Variants in GOLGA2 observed in about 807,000 individuals in gnomAD.
GOLGA2 encodes the protein golgin A2.
GOLGA2 carries 49 observed loss-of-function variants against 148.8 expected under a neutral mutation model. The ratio of observed to expected loss-of-function variants is 0.33; its 90% confidence interval spans 0.26 to 0.42. The LOEUF is 0.42. Among genes scored for constraint, GOLGA2 ranks in the 10% least tolerant of loss-of-function variants. The pLI, the probability that GOLGA2 is intolerant of heterozygous loss-of-function variation, is 1.00. For missense variants in GOLGA2, 1,178 were observed against 1,304.6 expected, an observed-to-expected ratio of 0.90 and a Z score of 1.49; for synonymous variants, 501 against 511.8, an observed-to-expected ratio of 0.98 and a Z score of 0.28.
At position 128,266,450 on chromosome 9, in the gene GOLGA2, A is replaced by C; in HGVS notation, c.643-125T>G. On this transcript the variant is annotated intron_variant, in intron 8 of 26. Coordinates refer to ENST00000611957, the MANE Select transcript of GOLGA2 (RefSeq NM_001366244.2). The surrounding 1 kb of genome is among the most constrained non-coding windows in gnomAD (Gnocchi z 4.2). ...GGCAAAGTTCTCAGACCCAATGGGA[A>C]CACGAACTGGTAAACTCTCCTCAGG... 1 of 779,430 alleles carries C rather than the reference A, an allele frequency of 1.3e-6. No homozygotes were observed. The highest frequency in any genetic ancestry group is 1.5e-5 in the South Asian group (1 of 66,396). 48.3% of individuals were successfully genotyped at this position (779,430 alleles called of 1,614,324 possible). A position where few individuals can be genotyped will look rare whatever the true frequency, so the allele number is the denominator to read the frequency against.
chr9:128,268,538 G>A lies in GOLGA2; in HGVS notation c.289-14C>T, dbSNP rs1830741563. 5 of 1,512,142 alleles carry A rather than the reference G, an allele frequency of 3.3e-6. No homozygotes were observed. In the South Asian group the frequency reaches 4.5e-5, roughly 14 times the overall value. The allele number at this position is 1,512,142 out of a possible 1,614,324, so 93.7% of individuals were successfully genotyped here. A position where few individuals can be genotyped will look rare whatever the true frequency, so the allele number is the denominator to read the frequency against. On this transcript the variant is annotated splice_polypyrimidine_tract_variant and intron_variant, in intron 3 of 26. Coordinates refer to ENST00000611957, the MANE Select transcript of GOLGA2 (RefSeq NM_001366244.2). ...GTCCTTGGGTGTCTGTCACAGAACAGAGCAGGGGGTTAGGGGGCCATGCGG... is the reference window on the plus strand; with the variant it reads ...GTCCTTGGGTGTCTGTCACAGAACAAAGCAGGGGGTTAGGGGGCCATGCGG...
intron 6 of GOLGA2, 30 bp from the exon 7 acceptor site, chr9:128,267,547 GT>G: frequency 6.5e-7 from 1 of 1,546,850 alleles, no homozygotes; most frequent in Non-Finnish European, 8.9e-7. Context: ...ACATGGAGAT[GT>G]TCTGTCCCCT....
chr9:128,258,420 G>T lies in GOLGA2; in HGVS notation c.2289+35C>A. 6.4e-7 allele frequency: 1 copy of T among 1,564,166 alleles called. No homozygotes were observed. The highest frequency in any genetic ancestry group is 8.8e-7 in the Non-Finnish European group (1 of 1,135,406). ...GGGTCTGGGAGGGACCACAGAGGGA[G>T]GCAGCAAAGGTTGGGGAGGGGGAGT... On this transcript the variant is annotated intron_variant, in intron 22 of 26. Coordinates refer to ENST00000611957, the MANE Select transcript of GOLGA2 (RefSeq NM_001366244.2). This position sits in a 1 kb window ranked among gnomAD's most constrained non-coding sequence, Gnocchi z 6.6.
chr9:128,265,701 G>C lies in GOLGA2; in HGVS notation c.827-10C>G, dbSNP rs751648610. 5 of 1,613,120 alleles carry C rather than the reference G, an allele frequency of 3.1e-6. No individual in the cohort carries two copies. Among genetic ancestry groups the C allele is most frequent in the Admixed American group, 3.3e-5 (2 of 59,998 alleles). ...AGATCTTCAGACTCTCCTGGAATGA[G>C]AGAGGTTGAGATGGGGCCCAAAGGA... is the stretch of plus-strand genomic sequence containing the variant. On this transcript the variant is annotated splice_polypyrimidine_tract_variant and intron_variant, in intron 11 of 26. Transcript: ENST00000611957.
intron 3 of GOLGA2, among the ~76,000 whole-genome samples, chr9:128,269,590 C>G (rs984053912): frequency 2.6e-5 from 4 of 152,200 alleles, no homozygotes; most frequent in African/African-American, 9.6e-5. Flanking sequence ...CCCACCCAGC[C>G]TCTCTCCAGG....
At position 128,256,861 on chromosome 9, in the gene GOLGA2, A is replaced by T. The variant is rs572027765; in HGVS notation, c.*206T>A. The T allele has an allele frequency of 2.2e-6, 1 of 449,956 alleles. No individual in the cohort carries two copies. The highest frequency in any genetic ancestry group is 2.0e-5 in the African/African-American group (1 of 49,110). The allele number at this position is 449,956 out of a possible 1,614,324, so 27.9% of individuals were successfully genotyped here. A position where few individuals can be genotyped will look rare whatever the true frequency, so the allele number is the denominator to read the frequency against. On this transcript the variant is annotated 3_prime_UTR_variant, in exon 27 of 27. Coordinates refer to ENST00000611957, the MANE Select transcript of GOLGA2 (RefSeq NM_001366244.2). Reference sequence around the variant, plus strand: ...TTATCCCATAACTTTTTTTAATCCCATAACTTTTAATTTTTTTTTAATTTA... The same window carrying T: ...TTATCCCATAACTTTTTTTAATCCCTTAACTTTTAATTTTTTTTTAATTTA...
Position 128,256,510 on chromosome 9 carries a change from CATA to C in GOLGA2, c.*554_*556del, listed in dbSNP as rs1282784992. The C allele has an allele frequency of 6.9e-6, 1 of 144,886 alleles. No homozygotes were observed. The highest frequency in any genetic ancestry group is 1.5e-5 in the Non-Finnish European group (1 of 67,694). 9.0% of individuals were successfully genotyped at this position (144,886 alleles called of 1,614,324 possible). A position where few individuals can be genotyped will look rare whatever the true frequency, so the allele number is the denominator to read the frequency against. ...CTTTCTTTAATCCCATAACTTTTTT[CATA>C]ATTTTTTTTTTTTTTGAGACAGAGT... On this transcript the variant is annotated 3_prime_UTR_variant, in exon 27 of 27. Coordinates refer to ENST00000611957, the MANE Select transcript of GOLGA2 (RefSeq NM_001366244.2).
rs372560811 is a variant in GOLGA2, at chr9:128,257,910, G to C, written c.2509-18C>G. On this transcript the variant is annotated intron_variant, in intron 23 of 26. Transcript: ENST00000611957. The surrounding 1 kb of genome is among the most constrained non-coding windows in gnomAD (Gnocchi z 8.0). The stretch of plus-strand genomic sequence containing the variant: ...AAGCGGCTCTGGAACCAAAATAATG[G>C]AGTCATATATCGGCAGCGACCTGCC... 46 of 1,612,534 alleles carry C rather than the reference G, an allele frequency of 2.9e-5. No homozygotes were observed. The highest frequency in any genetic ancestry group is 3.3e-5 in the Admixed American group (2 of 59,998).
Position 128,266,082 on chromosome 9 carries a change from A to G in GOLGA2, c.682-62T>C. On this transcript the variant is annotated intron_variant, in intron 9 of 26. Coordinates refer to ENST00000611957, the MANE Select transcript of GOLGA2 (RefSeq NM_001366244.2). This position sits in a 1 kb window ranked among gnomAD's most constrained non-coding sequence, Gnocchi z 4.2. Reference sequence around the variant, plus strand: ...AGGCAGAGACGGCACAGCAAGGGACATGCCCCCAGAATGCCACCAATGTCC... The same window carrying G: ...AGGCAGAGACGGCACAGCAAGGGACGTGCCCCCAGAATGCCACCAATGTCC... The G allele has an allele frequency of 6.8e-7, 1 of 1,467,496 alleles. No individual in the cohort carries two copies. Among genetic ancestry groups the G allele is most frequent in the Non-Finnish European group, 9.6e-7 (1 of 1,046,654 alleles). The allele number at this position is 1,467,496 out of a possible 1,614,324, so 90.9% of individuals were successfully genotyped here.
At position 128,259,312 on chromosome 9, in the gene GOLGA2, G is replaced by A; in HGVS notation, c.1952C>T (p.Ala651Val). 1 of 1,610,882 alleles carries A rather than the reference G, an allele frequency of 6.2e-7. No homozygotes were observed. The highest frequency in any genetic ancestry group is 8.5e-7 in the Non-Finnish European group (1 of 1,179,138). ...CTCAGAGGTCAGCTGCTGATAGGCGGCCACATACTGCTGCAGGTGTCCCAG... is the reference window on the plus strand; with the variant it reads ...CTCAGAGGTCAGCTGCTGATAGGCGACCACATACTGCTGCAGGTGTCCCAG... ...QYLGHLQQYV[A>V]AYQQLTSEKE... Residue 651 changes from alanine to valine, a missense_variant, in exon 20 of 27, where the codon GCC (alanine) becomes GTC (valine). By Grantham distance (64) the Ala-to-Val change is moderately conservative (BLOSUM62 0). Transcript: ENST00000611957.
rs898139345 is a variant in GOLGA2 at position 128,260,628 on chromosome 9, A to C, written c.1595T>G (p.Leu532Arg). The change falls in exon 18 of 27, where the codon CTG becomes CGG. Residue 532 changes from leucine to arginine, a missense_variant. Transcript: ENST00000611957. This position sits in a 1 kb window ranked among gnomAD's most constrained non-coding sequence, Gnocchi z 4.8. ...RLNREQEERLLELERAAELWG... is the reference protein window; with the variant it reads ...RLNREQEERLRELERAAELWG... ...GAGCTCGGCCGCCCGCTCCAGCTCC[A>C]GCAGCCTCTCCTCCTGCTCCCGGTT... 3.1e-6 allele frequency: 5 copies of C among 1,611,580 alleles called. No homozygotes were observed. The African/African-American group carries it at 6.7e-5, about 22-fold the overall frequency.
rs539299548 is a variant in GOLGA2 at position 128,274,062 on chromosome 9, T to C, written c.85-90A>G. 19 of 1,242,848 alleles carry C rather than the reference T, an allele frequency of 1.5e-5. No individual in the cohort carries two copies. The African/African-American group carries it at 2.8e-4, about 18-fold the overall frequency. The allele number at this position is 1,242,848 out of a possible 1,614,324, so 77.0% of individuals were successfully genotyped here. A position where few individuals can be genotyped will look rare whatever the true frequency, so the allele number is the denominator to read the frequency against. The stretch of plus-strand genomic sequence containing the variant: ...ACAATTTTTCCAAAATACTCTTATA[T>C]ACCATCTGATTTAATGCCACTAACA... On this transcript the variant is annotated intron_variant, in intron 1 of 26. Coordinates refer to ENST00000611957, the MANE Select transcript of GOLGA2 (RefSeq NM_001366244.2).
chr9:128,259,874 C>T (rs956541493), intron 19 of GOLGA2, among the ~76,000 whole-genome samples: 2 of 152,174 alleles, frequency 1.3e-5, no homozygotes, highest in Non-Finnish European at 2.9e-5. Flanking sequence ...CTAGCTGGGA[C>T]GATGATGTCC....
intron 10 of GOLGA2, 22 bp downstream of exon 10, chr9:128,265,948 G>C (rs759629004): frequency 1.7e-5 from 27 of 1,609,936 alleles, no homozygotes; most frequent in Non-Finnish European, 2.2e-5. Flanking sequence ...GGACAGGACG[G>C]AACTTCACAC....
intron 14 of GOLGA2, chr9:128,262,023 G>C: frequency 2.2e-6 from 1 of 446,158 alleles, no homozygotes; most frequent in Non-Finnish European, 4.0e-6. Flanking sequence ...CGGCAACATG[G>C]CAAAGCCCCG....
In GOLGA2 at chr9:128,260,212, C is replaced by G. The variant is rs757885655; in HGVS notation, c.1759-23G>C. On this transcript the variant is annotated intron_variant, in intron 18 of 26. Coordinates refer to ENST00000611957, the MANE Select transcript of GOLGA2 (RefSeq NM_001366244.2). The surrounding 1 kb of genome is among the most constrained non-coding windows in gnomAD (Gnocchi z 4.8). ...AGTCTGGACAGAGAGAAGCAATCAG[C>G]GGCCACCCACTGCAGCTGGAGACCC... The G allele has an allele frequency of 1.3e-6, 2 of 1,534,114 alleles. No individual in the cohort carries two copies. The highest frequency in any genetic ancestry group is 1.8e-6 in the Non-Finnish European group (2 of 1,116,464).
In GOLGA2 at chr9:128,258,552, T is replaced by C; in HGVS notation, c.2192A>G (p.Glu731Gly). 1 of 1,570,242 alleles carries C rather than the reference T, an allele frequency of 6.4e-7. No individual in the cohort carries two copies. Among genetic ancestry groups the C allele is most frequent in the Non-Finnish European group, 8.6e-7 (1 of 1,158,790 alleles). ...HPGEGDGLDR[E>G]EEEDEEEEEE... Reference sequence around the variant, plus strand: ...CTCCTCCTCCTCATCCTCCTCCTCCTCCCGGTCCAGTCCATCTCCTATGGG... The same window carrying C: ...CTCCTCCTCCTCATCCTCCTCCTCCCCCCGGTCCAGTCCATCTCCTATGGG... Residue 731 changes from glutamate (E) to glycine (G), a missense_variant, in exon 22 of 27, where the codon GAG becomes GGG. Glu to Gly is a moderately conservative substitution (Grantham distance 98). Coordinates refer to ENST00000611957, the MANE Select transcript of GOLGA2 (RefSeq NM_001366244.2). The surrounding 1 kb of genome is among the most constrained non-coding windows in gnomAD (Gnocchi z 6.6).
chr9:128,270,025 C>T lies in GOLGA2; in HGVS notation c.289-1501G>A, dbSNP rs117334643. On this transcript the variant is annotated intron_variant, in intron 3 of 26. Transcript: ENST00000611957. Reference sequence around the variant, plus strand: ...GCCAGGCATTAGCCTTGAGGGAAGGCTGGCACTCCTAGCAATGGACCCTGC... The same window carrying T: ...GCCAGGCATTAGCCTTGAGGGAAGGTTGGCACTCCTAGCAATGGACCCTGC... Among the ~76,000 whole-genome samples, 239 of 152,160 alleles carry T rather than the reference C, an allele frequency of 1.6e-3. 9 individuals are homozygous for T. The East Asian group carries it at 0.042, about 27-fold the overall frequency.
chr9:128,274,061 A>G, intron 1 of GOLGA2, 89 bp from the exon 2 acceptor site: 1 of 1,246,790 alleles, frequency 8.0e-7, no homozygotes, highest in Non-Finnish European at 1.1e-6. Flanking sequence ...ATACTCTTAT[A>G]TACCATCTGA....
Sources: allele counts gnomAD v4.1 joint callset (sites outside exome capture counted in the v4.1 genomes callset), GRCh38; gene constraint gnomAD v4.1.1; non-coding constraint Gnocchi (gnomAD v3.1); transcripts MANE v1.5; gene names NCBI Gene and HGNC (gene_info 2026-07-23, HGNC 2026-07-21).